TENM3: variants seen among roughly 807,000 people sequenced by gnomAD.
TENM3 encodes the protein teneurin transmembrane protein 3.
Under a neutral mutation model 255.1 loss-of-function variants are expected in TENM3, and 63 were observed. That is an observed-to-expected ratio of 0.25 (90% CI 0.20 to 0.30). The LOEUF is 0.30. TENM3 is among the 10% of genes least tolerant of loss of function. The pLI is 1.00. For missense variants in TENM3, 2,929 were observed against 3,461.1 expected (o/e 0.85, Z 3.86); for synonymous variants, 1,306 against 1,322.3 (o/e 0.99, Z 0.27).
intron 4 of TENM3, among the ~76,000 whole-genome samples, chr4:182,621,669 T>C (rs1299079115): frequency 0.45 from 38,361 of 84,402 alleles, 8,459 homozygotes; most frequent in South Asian, 0.52. Context: ...TAATATGTAT[T>C]ATATATATAA....
chr4:181,663,657 A>G, the TENM3 span, among the ~76,000 whole-genome samples: 1 of 152,196 alleles, frequency 6.6e-6, no homozygotes, highest in Non-Finnish European at 1.5e-5. Context: ...ACATCCTTCA[A>G]AATTAAAGGA....
At chr4:181,460,869 C>T in the TENM3 span, among the ~76,000 whole-genome samples, 2 of 151,656 alleles carry the variant, frequency 1.3e-5, no homozygotes, top group Admixed American at 6.6e-5. Context: ...TTCCATAATG[C>T]ATCATTACTT....
intron 1 of TENM3, among the ~76,000 whole-genome samples, chr4:182,298,037 A>T (rs1456437911): frequency 1.3e-5 from 2 of 152,186 alleles, no homozygotes; most frequent in African/African-American, 4.8e-5. Flanking sequence ...GGTGCATCTT[A>T]CGTTGAACGT....
chr4:182,262,784 G>T (rs1461815896), intron 1 of TENM3, among the ~76,000 whole-genome samples: 2 of 145,688 alleles, frequency 1.4e-5, no homozygotes, highest in Non-Finnish European at 3.0e-5. Flanking sequence ...CCTGATCTCA[G>T]CTCACTCCAA....
chr4:182,500,629 G>A (rs1736215358), intron 3 of TENM3, among the ~76,000 whole-genome samples: 1 of 20,272 alleles, frequency 4.9e-5, no homozygotes. Context: ...AGGAATTTAA[G>A]TAAATAATTA....
intron 12 of TENM3, among the ~76,000 whole-genome samples, chr4:182,695,393 A>C (rs955029511): frequency 6.6e-6 from 1 of 152,096 alleles, no homozygotes; most frequent in Non-Finnish European, 1.5e-5. Flanking sequence ...CTGACTTCTG[A>C]CCCTTCACAC....
the TENM3 span, among the ~76,000 whole-genome samples, chr4:181,646,385 G>A: frequency 6.6e-6 from 1 of 152,110 alleles, no homozygotes. Context: ...CACAGAGTGT[G>A]GTGATCTGAA....
At chr4:181,591,187 C>T in the TENM3 span, among the ~76,000 whole-genome samples, 1 of 152,174 alleles carries the variant, frequency 6.6e-6, no homozygotes, top group Non-Finnish European at 1.5e-5. Flanking sequence ...CCTCTATTCA[C>T]ATATCAGAAT....
intron 3 of TENM3, among the ~76,000 whole-genome samples, chr4:182,383,901 T>G (rs760409846): frequency 1.3e-5 from 2 of 152,190 alleles, no homozygotes; most frequent in African/African-American, 2.4e-5. Context: ...ACCCTAAGAA[T>G]GGATACATCA....
At chr4:182,145,059 C>G (rs547949459) in intron 1 of TENM3, 6 of 152,220 alleles carry the variant, frequency 3.9e-5, no homozygotes, top group African/African-American at 1.2e-4. Flanking sequence ...GGAAGGCAGT[C>G]CGGAGGCTGG....
At chr4:181,757,150 G>GA in the TENM3 span, among the ~76,000 whole-genome samples, 6 of 151,732 alleles carry the variant, frequency 4.0e-5, no homozygotes. Context: ...TTGAAAAGTT[G>GA]AAAAAAAATT....
chr4:182,132,095 T>A, the TENM3 span, among the ~76,000 whole-genome samples: 1 of 152,210 alleles, frequency 6.6e-6, no homozygotes, highest in African/African-American at 2.4e-5. Context: ...GGAGCTGAAA[T>A]CTTCTGTAAG....
chr4:181,650,372 T>C, the TENM3 span, among the ~76,000 whole-genome samples: 5 of 152,154 alleles, frequency 3.3e-5, no homozygotes, highest in African/African-American at 1.2e-4. Flanking sequence ...ACATACCATG[T>C]GCATTGTCAA....
At chr4:182,155,777 ATATCT>A (rs1252985862) in intron 1 of TENM3, among the ~76,000 whole-genome samples, 5 of 152,202 alleles carry the variant, frequency 3.3e-5, no homozygotes, top group Non-Finnish European at 5.9e-5. Context: ...GGTTTAATAC[ATATCT>A]TAAATCATTG....
At chr4:182,410,737 G>A (rs17073264) in intron 3 of TENM3, among the ~76,000 whole-genome samples, 12,071 of 151,902 alleles carry the variant, frequency 0.079, 792 homozygotes, top group East Asian at 0.22. Flanking sequence ...AAGAGCACAC[G>A]AGCAAAAATG....
At chr4:181,780,763 G>T in the TENM3 span, among the ~76,000 whole-genome samples, 23 of 152,196 alleles carry the variant, frequency 1.5e-4, 1 homozygote, top group Middle Eastern at 6.8e-3. Context: ...GGTTTTTTAG[G>T]TCTAACATTT....
At chr4:181,497,088 G>A in the TENM3 span, among the ~76,000 whole-genome samples, 4 of 152,044 alleles carry the variant, frequency 2.6e-5, no homozygotes, top group African/African-American at 7.2e-5. Context: ...AGTAGCTCAC[G>A]ACTTTTTCTA....
chr4:182,479,516 C>T (rs890412044), intron 3 of TENM3, among the ~76,000 whole-genome samples: 4 of 151,854 alleles, frequency 2.6e-5, no homozygotes, highest in Non-Finnish European at 4.4e-5. Flanking sequence ...AACAGCAAGG[C>T]TTATGATATC....
chr4:182,753,864 T>C (rs184022695), intron 21 of TENM3, among the ~76,000 whole-genome samples: 34 of 152,322 alleles, frequency 2.2e-4, no homozygotes, highest in African/African-American at 8.2e-4. Flanking sequence ...ACCAGTAAAG[T>C]AGGAGCATGC....
Sources: allele counts gnomAD v4.1 joint callset (sites outside exome capture counted in the v4.1 genomes callset), GRCh38; gene constraint gnomAD v4.1.1; transcripts MANE v1.5; gene names NCBI Gene and HGNC (gene_info 2026-07-23, HGNC 2026-07-21).